The following ELMOD1 variants were observed in gnomAD, a reference collection of about 807,000 sequenced individuals.
ELMOD1 encodes ELMO domain-containing protein 1.
In ELMOD1, 21 loss-of-function variants were observed where a neutral mutation model predicts 46.7. The observed-to-expected ratio is 0.45, with a 90% CI of 0.32 to 0.65. The LOEUF is 0.65. ELMOD1 is among the 30% of genes least tolerant of loss of function. The pLI, the probability that ELMOD1 is intolerant of heterozygous loss-of-function variation, is 0.04. For synonymous variants in ELMOD1, 122 were observed against 138.2 expected, an observed-to-expected ratio of 0.88 and a Z score of 0.82; for missense variants, 348 against 407.8, an observed-to-expected ratio of 0.85 and a Z score of 1.26.
chr11:107,616,730 G>T (rs1204083043), intron 1 of ELMOD1, among the ~76,000 whole-genome samples: 1 of 152,152 alleles, frequency 6.6e-6, no homozygotes, highest in East Asian at 1.9e-4. Context: ...TGACCATTGG[G>T]AGTTCTTTCA....
intron 6 of ELMOD1, chr11:107,643,562 CAAAG>C (rs1591128630): frequency 9.7e-6 from 5 of 516,710 alleles, no homozygotes; most frequent in South Asian, 5.9e-5. Context: ...ATGAGCCACA[CAAAG>C]AAAACTCCAT....
intron 11 of ELMOD1, among the ~76,000 whole-genome samples, chr11:107,662,204 C>T (rs956061434): frequency 1.3e-5 from 2 of 152,304 alleles, no homozygotes; most frequent in South Asian, 2.1e-4. Flanking sequence ...AGTGCAGTGG[C>T]ACCATCCTAG....
At chr11:107,608,423 A>C (rs1284021535) in intron 1 of ELMOD1, among the ~76,000 whole-genome samples, 1 of 152,214 alleles carries the variant, frequency 6.6e-6, no homozygotes, top group Non-Finnish European at 1.5e-5. Flanking sequence ...AAGCATGCAG[A>C]GGTAGACTGA....
chr11:107,591,540 G>C (rs1025350617), intron 1 of ELMOD1, 131 bp downstream of exon 1: 2 of 249,318 alleles, frequency 8.0e-6, no homozygotes, highest in Non-Finnish European at 1.6e-5. Flanking sequence ...GCTAAGCATC[G>C]GGGGCAGAGA....
At chr11:107,618,322 T>A in intron 2 of ELMOD1, 116 bp downstream of exon 2, 1 of 1,200,058 alleles carries the variant, frequency 8.3e-7, no homozygotes, top group Non-Finnish European at 1.2e-6. Context: ...CCTAAGATTC[T>A]GTGAAATAGC....
intron 1 of ELMOD1, among the ~76,000 whole-genome samples, chr11:107,612,488 A>G (rs771231354): frequency 6.6e-6 from 1 of 152,186 alleles, no homozygotes; most frequent in African/African-American, 2.4e-5. Context: ...ACCTGCAAAT[A>G]TACTCCCTGA....
intron 10 of ELMOD1, among the ~76,000 whole-genome samples, 176 bp downstream of exon 10, chr11:107,654,398 TG>T: frequency 6.6e-6 from 1 of 152,238 alleles, no homozygotes; most frequent in Non-Finnish European, 1.5e-5. Flanking sequence ...TATGGTTATA[TG>T]ATATTACTTT....
Position 107,650,342 on chromosome 11 carries a change from G to T in ELMOD1, c.562G>T (p.Ala188Ser). The T allele has an allele frequency of 6.3e-7, 1 of 1,583,774 alleles. No homozygotes were observed. Among genetic ancestry groups the T allele is most frequent in the Non-Finnish European group, 8.6e-7 (1 of 1,163,290 alleles). ...LLGLYNLQYF[A>S]ERDATAAQQV... ...CTTTCCCTCCCGCTGCAGGTATTTC[G>T]CGGAAAGGGATGCCACAGCAGCTCA... Residue 188 changes from alanine to serine, a missense_variant, in exon 8 of 12, where the codon GCG becomes TCG. By Grantham distance (99) the Ala-to-Ser change is moderately conservative (BLOSUM62 1). Transcript: ENST00000265840.
At position 107,624,255 on chromosome 11, in the gene ELMOD1, AAATGTCAAAGTATAATGTGTTAT is replaced by A. The variant is rs1239066641; in HGVS notation, c.17+6055_17+6077del. Among the ~76,000 whole-genome samples, 3 of 152,232 alleles carry A rather than the reference AAATGTCAAAGTATAATGTGTTAT, an allele frequency of 2.0e-5. No individual in the cohort carries two copies. In the East Asian group the frequency reaches 5.8e-4, roughly 29 times the overall value. ...TTGAGGTTGCATTTAAATACTTTTA[AAATGTCAAAGTATAATGTGTTAT>A]AATGTGTTCATTGTTTCTCCTTATA... On this transcript the variant is annotated intron_variant, in intron 2 of 11. Coordinates refer to ENST00000265840, the MANE Select transcript of ELMOD1 (RefSeq NM_018712.4).
chr11:107,603,399 C>T (rs925213780), intron 1 of ELMOD1, among the ~76,000 whole-genome samples: 31 of 151,938 alleles, frequency 2.0e-4, no homozygotes, highest in African/African-American at 2.7e-4. Context: ...AATAGCTGTG[C>T]GTGGTGGTGC....
intron 2 of ELMOD1, among the ~76,000 whole-genome samples, chr11:107,623,123 CGA>C (rs1865980330): frequency 6.6e-6 from 1 of 151,972 alleles, no homozygotes; most frequent in Non-Finnish European, 1.5e-5. Flanking sequence ...TATCCCTCCC[CGA>C]TTCCCCCACC....
intron 6 of ELMOD1, among the ~76,000 whole-genome samples, chr11:107,647,015 A>G (rs1866442171): frequency 6.6e-6 from 1 of 151,976 alleles, no homozygotes; most frequent in Non-Finnish European, 1.5e-5. Flanking sequence ...CTAATTTCCT[A>G]TTCAAAATTA....
chr11:107,624,171 A>G (rs1383368735), intron 2 of ELMOD1, among the ~76,000 whole-genome samples: 1 of 152,158 alleles, frequency 6.6e-6, no homozygotes, highest in East Asian at 1.9e-4. Context: ...CTTTATTTAT[A>G]TGTTTACTTA....
At chr11:107,646,989 C>T (rs777071902) in intron 6 of ELMOD1, among the ~76,000 whole-genome samples, 10 of 132,150 alleles carry the variant, frequency 7.6e-5, no homozygotes, top group South Asian at 5.0e-4. Context: ...TATCTATCTA[C>T]CTATCTACCT....
rs993224321 is a variant in ELMOD1 at position 107,652,700 on chromosome 11, G to A, written c.648-1472G>A. Reference sequence around the variant, plus strand: ...CTCCTGATCTCCTGATTCCTCTTCAGCTGTTTGGTTTGTTAGCCAGAAGTT... The same window carrying A: ...CTCCTGATCTCCTGATTCCTCTTCAACTGTTTGGTTTGTTAGCCAGAAGTT... On this transcript the variant is annotated intron_variant, in intron 9 of 11. Transcript: ENST00000265840. 7.9e-5 allele frequency among the ~76,000 whole-genome samples: 12 copies of A among 152,244 alleles called. 1 individual carries two copies. In the East Asian group the frequency reaches 1.4e-3, roughly 17 times the overall value.
chr11:107,654,227 G>T lies in ELMOD1; in HGVS notation c.698+5G>T. 6.3e-7 allele frequency: 1 copy of T among 1,588,898 alleles called. No individual in the cohort carries two copies. The highest frequency in any genetic ancestry group is 1.8e-5 in the Admixed American group (1 of 56,464). On this transcript the variant is annotated splice_donor_5th_base_variant and intron_variant, in intron 10 of 11. Transcript: ENST00000265840. ...AAGGATGGATAAGGCAATTGGGTGAGTATGGGATCTCACATGGAAAGATGG... is the reference window on the plus strand; with the variant it reads ...AAGGATGGATAAGGCAATTGGGTGATTATGGGATCTCACATGGAAAGATGG...
At chr11:107,649,393 T>A (rs745601019) in intron 7 of ELMOD1, among the ~76,000 whole-genome samples, 5 of 152,154 alleles carry the variant, frequency 3.3e-5, no homozygotes, top group African/African-American at 7.2e-5. Flanking sequence ...TTCAGTAAGA[T>A]AAGCCCCATA....
intron 1 of ELMOD1, among the ~76,000 whole-genome samples, chr11:107,616,440 C>T (rs140580516): frequency 3.9e-5 from 6 of 152,146 alleles, no homozygotes; most frequent in Admixed American, 2.6e-4. Context: ...AGTGCAGTGG[C>T]GCATTCTCGG....
At chr11:107,605,786 G>A (rs1049639540) in intron 1 of ELMOD1, among the ~76,000 whole-genome samples, 1 of 152,236 alleles carries the variant, frequency 6.6e-6, no homozygotes, top group Non-Finnish European at 1.5e-5. Flanking sequence ...GTCACTGGGA[G>A]AGGAAAGGAA....
Sources: gnomAD v4.1 joint callset for allele counts (sites outside exome capture counted in the v4.1 genomes callset) on GRCh38, gnomAD v4.1.1 for gene constraint, MANE v1.5 for transcripts, NCBI Gene and HGNC (gene_info 2026-07-23, HGNC 2026-07-21) for gene names.